GALNT17: variants seen among roughly 807,000 people sequenced by gnomAD.
The protein encoded by GALNT17 is UDP-GalNAc:polypeptide N-acetylgalactosaminyltransferase-like 3.
A neutral mutation model predicts 63.7 loss-of-function variants in GALNT17; 29 were observed. The ratio of observed to expected loss-of-function variants is 0.46; its 90% CI spans 0.34 to 0.62. The LOEUF (loss-of-function observed/expected upper bound fraction) is 0.62. GALNT17 is among the 20% of genes least tolerant of loss of function. The probability of loss-of-function intolerance (pLI) is 0.01; values close to 1 mark genes in which losing one functional copy is unlikely to be tolerated. For missense variants in GALNT17, 603 were observed against 799.6 expected (o/e 0.75, Z 2.97); for synonymous variants, 305 against 318.3 (o/e 0.96, Z 0.45).
intron 5 of GALNT17, among the ~76,000 whole-genome samples, chr7:71,465,206 C>T (rs1294171983): frequency 6.6e-6 from 1 of 152,184 alleles, no homozygotes; most frequent in African/African-American, 2.4e-5. Flanking sequence ...ACATAACATG[C>T]TTACTTGTGG....
At chr7:71,454,074 C>A (rs926312599) in intron 5 of GALNT17, among the ~76,000 whole-genome samples, 9 of 152,168 alleles carry the variant, frequency 5.9e-5, no homozygotes, top group African/African-American at 1.2e-4. Flanking sequence ...GAAGAATGAT[C>A]GGGTTCATAC....
chr7:71,475,985 CCTA>C (rs1787716500), intron 5 of GALNT17, among the ~76,000 whole-genome samples: 1 of 152,012 alleles, frequency 6.6e-6, no homozygotes, highest in South Asian at 2.1e-4. Flanking sequence ...TACTACTCCT[CCTA>C]CTAATTATAA....
intron 5 of GALNT17, among the ~76,000 whole-genome samples, chr7:71,482,735 A>G (rs1163679917): frequency 6.6e-6 from 1 of 152,130 alleles, no homozygotes; most frequent in Non-Finnish European, 1.5e-5. Flanking sequence ...TTTTAGCACT[A>G]GGGGCCGGTT....
At chr7:71,534,885 C>T (rs190073850) in intron 5 of GALNT17, among the ~76,000 whole-genome samples, 7 of 151,950 alleles carry the variant, frequency 4.6e-5, no homozygotes, top group Non-Finnish European at 8.8e-5. Flanking sequence ...GCTACCATCT[C>T]CCTTTCTTGC....
chr7:71,237,141 A>G (rs140550977), intron 1 of GALNT17, among the ~76,000 whole-genome samples: 176 of 152,288 alleles, frequency 1.2e-3, no homozygotes, highest in African/African-American at 4.2e-3. Flanking sequence ...CATTCATCCA[A>G]TCATAGGCAG....
intron 5 of GALNT17, among the ~76,000 whole-genome samples, chr7:71,526,628 T>C (rs1788629241): frequency 6.6e-6 from 1 of 152,190 alleles, no homozygotes. Context: ...CAAGCAATTC[T>C]CCTGTCTTAG....
chr7:71,180,992 C>A (rs368585702), intron 1 of GALNT17, among the ~76,000 whole-genome samples: 2 of 152,310 alleles, frequency 1.3e-5, no homozygotes, highest in East Asian at 1.9e-4. Context: ...CGGTGGCTCA[C>A]TCCTGTAATC....
chr7:71,519,901 T>A (rs1788502445), intron 5 of GALNT17, among the ~76,000 whole-genome samples: 1 of 152,148 alleles, frequency 6.6e-6, no homozygotes, highest in Non-Finnish European at 1.5e-5. Flanking sequence ...ATGAAGTTAA[T>A]TCAGGATATA....
At chr7:71,572,356 G>A (rs1225892755) in intron 6 of GALNT17, among the ~76,000 whole-genome samples, 1 of 151,060 alleles carries the variant, frequency 6.6e-6, no homozygotes, top group Non-Finnish European at 1.5e-5. Context: ...TAAAAAATTA[G>A]CCAGGTGTGA....
chr7:71,225,716 A>C (rs897366575), intron 1 of GALNT17, among the ~76,000 whole-genome samples: 4 of 152,232 alleles, frequency 2.6e-5, no homozygotes, highest in Non-Finnish European at 5.9e-5. Context: ...AGGAAGGTAT[A>C]AGCCAGAGGA....
chr7:71,286,751 G>GT (rs71089931), intron 1 of GALNT17, among the ~76,000 whole-genome samples: 33 of 148,672 alleles, frequency 2.2e-4, no homozygotes, highest in South Asian at 8.7e-4. Flanking sequence ...CCTTGTTTTT[G>GT]TTTTTTTTTT....
intron 3 of GALNT17, among the ~76,000 whole-genome samples, chr7:71,401,421 T>C (rs988923026): frequency 6.6e-6 from 1 of 152,118 alleles, no homozygotes; most frequent in African/African-American, 2.4e-5. Flanking sequence ...ATATGTCTTA[T>C]TAATACTTCA....
intron 2 of GALNT17, among the ~76,000 whole-genome samples, chr7:71,381,794 A>G (rs570237881): frequency 1.2e-4 from 19 of 152,246 alleles, no homozygotes; most frequent in African/African-American, 3.9e-4. Context: ...AAAGAAAAGA[A>G]AAGAAACCTG....
chr7:71,466,069 T>A (rs902361726), intron 5 of GALNT17, among the ~76,000 whole-genome samples: 1 of 152,166 alleles, frequency 6.6e-6, no homozygotes, highest in African/African-American at 2.4e-5. Flanking sequence ...AGATGCAAAT[T>A]TCCGCCACAA....
chr7:71,589,746 A>G (rs967126679), intron 6 of GALNT17, among the ~76,000 whole-genome samples: 1 of 152,210 alleles, frequency 6.6e-6, no homozygotes, highest in South Asian at 2.1e-4. Flanking sequence ...ACACAAGTCA[A>G]CTTGTCCAAG....
At chr7:71,449,103 A>ATTTTTTTTTTTT (rs1583963031) in intron 5 of GALNT17, among the ~76,000 whole-genome samples, 23 of 45,618 alleles carry the variant, frequency 5.0e-4, no homozygotes, top group Admixed American at 1.3e-3. Flanking sequence ...ACAGCTGCCT[A>ATTTTTTTTTTTT]TTTTCTTTTT....
chr7:71,638,864 T>C (rs1790565077), intron 6 of GALNT17, among the ~76,000 whole-genome samples: 1 of 152,136 alleles, frequency 6.6e-6, no homozygotes, highest in Non-Finnish European at 1.5e-5. Context: ...CTCACTTATT[T>C]GTGGGATCTA....
chr7:71,436,728 A>G (rs1340610014), intron 5 of GALNT17, among the ~76,000 whole-genome samples: 1 of 147,400 alleles, frequency 6.8e-6, no homozygotes, highest in Admixed American at 6.8e-5. Context: ...CAAAAAAAAA[A>G]TAAAAAATAA....
intron 1 of GALNT17, among the ~76,000 whole-genome samples, chr7:71,156,469 T>C (rs1788236230): frequency 6.6e-6 from 1 of 151,856 alleles, no homozygotes; most frequent in African/African-American, 2.4e-5. Context: ...TTGAGATGGT[T>C]GATGCCCTGC....
Sources: allele counts gnomAD v4.1 joint callset (sites outside exome capture counted in the v4.1 genomes callset), GRCh38; gene constraint gnomAD v4.1.1; transcripts MANE v1.5; gene names NCBI Gene and HGNC (gene_info 2026-07-23, HGNC 2026-07-21).